Variants in GALNT1 observed in about 807,000 individuals in gnomAD.
GALNT1 encodes GalNAc transferase 1.
A neutral mutation model predicts 65.7 loss-of-function variants in GALNT1; 17 were observed. The ratio of observed to expected loss-of-function variants is 0.26; its 90% CI spans 0.18 to 0.39. GALNT1 has a LOEUF of 0.39. Among genes scored for constraint, GALNT1 ranks in the 10% least tolerant of loss-of-function variants. GALNT1 has a pLI of 1.00. For synonymous variants in GALNT1, 210 were observed against 219.7 expected, an observed-to-expected ratio of 0.96 and a Z score of 0.39; for missense variants, 460 against 672.8, an observed-to-expected ratio of 0.68 and a Z score of 3.50.
intron 3 of GALNT1, 21 bp from the exon 4 acceptor site, chr18:35,677,570 A>C (rs2047728642): frequency 6.3e-7 from 1 of 1,585,602 alleles, no homozygotes; most frequent in Admixed American, 1.8e-5. Flanking sequence ...CTTTTTATAA[A>C]GGCATTTGCT....
rs920597674 is a variant in GALNT1 at position 35,654,617 on chromosome 18, A to G, written c.-46A>G. The stretch of plus-strand genomic sequence containing the variant: ...GGAATAATTTTCATGATCTTTGTAT[A>G]TTTATATATATATATTTTTAAATTT... On this transcript the variant is annotated 5_prime_UTR_variant, in exon 2 of 12. It adds an upstream start codon to the 5' untranslated region. Transcript: ENST00000269195. 6.6e-6 allele frequency: 7 copies of G among 1,066,748 alleles called. No homozygotes were observed. In the African/African-American group the frequency reaches 1.2e-4, roughly 18 times the overall value. The allele number at this position is 1,066,748 out of a possible 1,614,324, so 66.1% of individuals were successfully genotyped here.
intron 1 of GALNT1, among the ~76,000 whole-genome samples, chr18:35,585,133 A>G (rs2046365362): frequency 6.6e-6 from 1 of 152,154 alleles, no homozygotes; most frequent in African/African-American, 2.4e-5. Context: ...TTCTCTGGGT[A>G]TGTAACATTT....
intron 3 of GALNT1, among the ~76,000 whole-genome samples, chr18:35,673,429 CTACTT>C (rs926634350): frequency 6.6e-6 from 1 of 152,292 alleles, no homozygotes; most frequent in African/African-American, 2.4e-5. Flanking sequence ...CATGAGCAAT[CTACTT>C]TATTTAAGCC....
At chr18:35,684,726 A>C (rs1202120602) in intron 5 of GALNT1, among the ~76,000 whole-genome samples, 1 of 152,232 alleles carries the variant, frequency 6.6e-6, no homozygotes, top group Non-Finnish European at 1.5e-5. Context: ...AAAAGGAAGA[A>C]ATTTGCAAAT....
In GALNT1 at chr18:35,689,236, A is replaced by G; in HGVS notation, c.924A>G (p.Thr308=). 6.2e-7 allele frequency: 1 copy of G among 1,612,872 alleles called. No individual in the cohort carries two copies. Among genetic ancestry groups the G allele is most frequent in the South Asian group, 1.1e-5 (1 of 90,704 alleles). ...IDRDYFQEIG[T]YDAGMDIWGG... The stretch of plus-strand genomic sequence containing the variant: ...GAGATTACTTTCAGGAAATTGGAAC[A>G]TATGATGCTGGAATGGATATTTGGG... The change falls in exon 7 of 12, where the codon ACA becomes ACG. Residue 308 remains threonine, a synonymous_variant. Transcript: ENST00000269195.
In GALNT1 at chr18:35,691,114, A is replaced by G. The variant is rs1336892539; in HGVS notation, c.1081A>G (p.Ile361Val). The G allele has an allele frequency of 6.2e-7, 1 of 1,613,142 alleles. No individual in the cohort carries two copies. The highest frequency in any genetic ancestry group is 8.5e-7 in the Non-Finnish European group (1 of 1,179,604). ...PYTFPGGTGQ[I>V]INKNNRRLAE... The stretch of plus-strand genomic sequence containing the variant: ...CACGTTTCCAGGAGGCACAGGGCAG[A>G]TTATCAATAAAAATAACAGACGACT... The change falls in exon 8 of 12, where the codon ATT becomes GTT. Residue 361 changes from isoleucine to valine, a missense_variant. By Grantham distance (29) the Ile-to-Val change is conservative. Transcript: ENST00000269195.
chr18:35,683,419 T>C lies in GALNT1; in HGVS notation c.510T>C (p.Tyr170=), dbSNP rs143850478. 4.9e-5 allele frequency: 79 copies of C among 1,613,552 alleles called. No homozygotes were observed. Among genetic ancestry groups the C allele is most frequent in the Middle Eastern group, 1.7e-4 (1 of 6,060 alleles). The change falls in exon 5 of 12, where the codon TAT becomes TAC. Residue 170 remains tyrosine, a synonymous_variant. Transcript: ENST00000269195. The stretch of plus-strand genomic sequence containing the variant: ...TTTTGAAAAGGCCTTTAGAGAGTTA[T>C]GTGAAAAAACTAAAAGTACCAGTTC... ...RDFLKRPLES[Y]VKKLKVPVHV...
rs183940875 is a variant in GALNT1, at chr18:35,637,674, G to A, written c.-103-16886G>A. On this transcript the variant is annotated intron_variant, in intron 1 of 11. Transcript: ENST00000269195. ...TTATCCAGAGGATCTAGCTAAGACC[G>A]TTGATGAAGGTGGCTACACTAAAAA... 1.2e-3 allele frequency among the ~76,000 whole-genome samples: 186 copies of A among 152,342 alleles called. 1 individual carries two copies. The highest frequency in any genetic ancestry group is 3.7e-3 in the African/African-American group (153 of 41,570).
intron 7 of GALNT1, 42 bp downstream of exon 7, chr18:35,689,332 A>T (rs978109315): frequency 9.2e-7 from 1 of 1,090,666 alleles, no homozygotes; most frequent in African/African-American, 1.6e-5. Flanking sequence ...TTTAACTTCA[A>T]GTATAGATGT....
chr18:35,705,436 T>C (rs2048240385), intron 11 of GALNT1, among the ~76,000 whole-genome samples: 1 of 152,180 alleles, frequency 6.6e-6, no homozygotes, highest in Non-Finnish European at 1.5e-5. Flanking sequence ...AAATCCTGGG[T>C]CTCCTTTCAC....
chr18:35,694,015 T>G (rs1478067623), intron 9 of GALNT1, among the ~76,000 whole-genome samples: 5 of 152,044 alleles, frequency 3.3e-5, no homozygotes, highest in Non-Finnish European at 5.9e-5. Flanking sequence ...GGGAAAGACG[T>G]GTTTCAGGAA....
chr18:35,581,253 CGACCCAGGG>C (rs2046307954), upstream of GALNT1: 1 of 151,788 alleles, frequency 6.6e-6, no homozygotes, highest in Non-Finnish European at 1.5e-5. Context: ...CTCTTTGTCC[CGACCCAGGG>C]TCGGGGGCAC....
intron 4 of GALNT1, among the ~76,000 whole-genome samples, chr18:35,680,524 T>G (rs2047771706): frequency 6.6e-6 from 1 of 152,198 alleles, no homozygotes; most frequent in South Asian, 2.1e-4. Flanking sequence ...AGTCTAGAAT[T>G]ATATAATGAA....
At chr18:35,614,645 G>T (rs1008385879) in intron 1 of GALNT1, among the ~76,000 whole-genome samples, 1 of 152,082 alleles carries the variant, frequency 6.6e-6, no homozygotes, top group Admixed American at 6.6e-5. Flanking sequence ...GAACAGAATG[G>T]TCATTCCTTA....
At chr18:35,644,557 A>G (rs1166943179) in intron 1 of GALNT1, among the ~76,000 whole-genome samples, 1 of 152,200 alleles carries the variant, frequency 6.6e-6, no homozygotes, top group African/African-American at 2.4e-5. Flanking sequence ...GCTATAAGGT[A>G]GGATCCAAGT....
intron 1 of GALNT1, among the ~76,000 whole-genome samples, chr18:35,582,420 A>T (rs1416140985): frequency 6.6e-6 from 1 of 152,242 alleles, no homozygotes; most frequent in Non-Finnish European, 1.5e-5. Context: ...CATAATCAAT[A>T]CGTTGCCCAT....
At chr18:35,639,551 A>G (rs7232200) in intron 1 of GALNT1, among the ~76,000 whole-genome samples, 14,498 of 152,170 alleles carry the variant, frequency 0.095, 837 homozygotes, top group African/African-American at 0.17. Flanking sequence ...AGTATCTCTG[A>G]GGTATGCCTG....
intron 1 of GALNT1, among the ~76,000 whole-genome samples, chr18:35,641,316 G>A (rs541592090): frequency 5.7e-4 from 87 of 152,238 alleles, no homozygotes; most frequent in African/African-American, 1.9e-3. Context: ...GCATGATGGC[G>A]TGTGCCTGTA....
intron 6 of GALNT1, 146 bp from the exon 7 acceptor site, chr18:35,689,027 C>T: frequency 1.6e-6 from 1 of 642,938 alleles, no homozygotes; most frequent in Non-Finnish European, 2.8e-6. Context: ...ACACAGAAAG[C>T]CCCTGGGGCG....
Sources: allele counts gnomAD v4.1 joint callset (sites outside exome capture counted in the v4.1 genomes callset), GRCh38; gene constraint gnomAD v4.1.1; transcripts MANE v1.5; gene names NCBI Gene and HGNC (gene_info 2026-07-23, HGNC 2026-07-21).